The following OTOGL variants were observed in gnomAD, a reference collection of about 807,000 sequenced individuals.
OTOGL encodes the protein otogelin-like protein.
Under a neutral mutation model 318.5 loss-of-function variants are expected in OTOGL, and 285 were observed. The observed-to-expected ratio is 0.89, with a 90% CI of 0.81 to 0.99. The LOEUF (loss-of-function observed/expected upper bound fraction) is 0.99, where lower values mean the gene tolerates loss of function less well. OTOGL is among the 50% of genes least tolerant of loss of function. The pLI, the probability that OTOGL is intolerant of heterozygous loss-of-function variation, is 0.00. For missense variants in OTOGL, 2,899 were observed against 2,845.6 expected (o/e 1.02, Z -0.43); for synonymous variants, 987 against 936.5 (o/e 1.05, Z -0.99).
At position 80,353,778 on chromosome 12, in the gene OTOGL, T is replaced by TG. The variant is rs199797363; in HGVS notation, c.5593+270dup. 1.8e-3 allele frequency among the ~76,000 whole-genome samples: 269 copies of TG among 152,324 alleles called. 1 individual carries two copies. Among genetic ancestry groups the TG allele is most frequent in the Middle Eastern group, 6.8e-3 (2 of 294 alleles). The stretch of plus-strand genomic sequence containing the variant: ...AATCAAGAATTAAGAGTGTGGATTA[T>TG]GGACTGAACTCAAAATCAACTTAAT... On this transcript the variant is annotated intron_variant, in intron 46 of 58. Coordinates refer to ENST00000547103, the MANE Select transcript of OTOGL (RefSeq NM_001378609.3).
At chr12:80,243,564 C>G (rs1880566155) in intron 11 of OTOGL, among the ~76,000 whole-genome samples, 1 of 151,432 alleles carries the variant, frequency 6.6e-6, no homozygotes, top group Non-Finnish European at 1.5e-5. Context: ...AGAATTTCCT[C>G]CTCCTCTTGA....
chr12:80,376,259 A>C (rs1334359144), intron 57 of OTOGL, among the ~76,000 whole-genome samples: 1 of 152,112 alleles, frequency 6.6e-6, no homozygotes, highest in Non-Finnish European at 1.5e-5. Context: ...TCTATTTTAC[A>C]TGTTGAGATT....
intron 9 of OTOGL, among the ~76,000 whole-genome samples, chr12:80,233,350 C>G (rs1879549936): frequency 6.6e-6 from 1 of 152,188 alleles, no homozygotes. Flanking sequence ...AGAGCATTTG[C>G]TTTGGGTCAG....
intron 26 of OTOGL, 66 bp from the exon 27 acceptor site, chr12:80,296,761 T>G: frequency 8.5e-7 from 1 of 1,169,598 alleles, no homozygotes; most frequent in Non-Finnish European, 1.1e-6. Flanking sequence ...GATTTCTTAA[T>G]AAAAATAACT....
intron 1 of OTOGL, chr12:80,189,300 T>G (rs985874369): frequency 2.2e-6 from 1 of 445,094 alleles, no homozygotes; most frequent in African/African-American, 2.1e-5. Flanking sequence ...TTGAATAATC[T>G]TTTACTCAAC....
chr12:80,340,290 A>G (rs1396957010), intron 43 of OTOGL, among the ~76,000 whole-genome samples: 1 of 152,094 alleles, frequency 6.6e-6, no homozygotes, highest in Non-Finnish European at 1.5e-5. Context: ...CATTTTTGGA[A>G]ATTTTTGCTA....
At chr12:80,155,040 G>A (rs1260559192) in intron 1 of OTOGL, among the ~76,000 whole-genome samples, 1 of 152,156 alleles carries the variant, frequency 6.6e-6, no homozygotes. Context: ...GTAAGATGTG[G>A]AGCATTTTTT....
intron 1 of OTOGL, among the ~76,000 whole-genome samples, chr12:80,123,691 C>T (rs1041561324): frequency 1.3e-5 from 2 of 152,086 alleles, no homozygotes; most frequent in African/African-American, 2.4e-5. Context: ...ACATCCTCTC[C>T]AGCACCTGTT....
chr12:80,236,796 T>C (rs1879890910), intron 9 of OTOGL, among the ~76,000 whole-genome samples: 1 of 151,506 alleles, frequency 6.6e-6, no homozygotes, highest in African/African-American at 2.4e-5. Flanking sequence ...TTTTTGTTTT[T>C]CTTTTTTTCT....
intron 38 of OTOGL, 105 bp from the exon 39 acceptor site, chr12:80,335,858 T>C (rs995353905): frequency 2.5e-5 from 26 of 1,028,506 alleles, no homozygotes; most frequent in African/African-American, 3.3e-5. Flanking sequence ...AAAGTTTTTG[T>C]ATTCAATAAA....
chr12:80,355,909 A>G lies in OTOGL; in HGVS notation c.5767A>G (p.Ile1923Val). The part of the protein sequence containing the change: ...CEREAEVVMG[I>V]IDKWTCCSKE... Reference sequence around the variant, plus strand: ...ACGAGAAGCTGAAGTTGTCATGGGCATCATTGATAAATGGACCTGCTGTTC... The same window carrying G: ...ACGAGAAGCTGAAGTTGTCATGGGCGTCATTGATAAATGGACCTGCTGTTC... The change falls in exon 47 of 59, where the codon ATC becomes GTC. Residue 1923 changes from isoleucine (I) to valine (V), a missense_variant. Physicochemically the swap from Ile to Val is conservative, Grantham distance 29 (BLOSUM62 3). Around this residue, in one of 3 missense-constraint regions of OTOGL, gnomAD observed 2,607 missense variants for 2,524.9 expected, o/e 1.03. Transcript: ENST00000547103. 2 of 1,613,960 alleles carry G rather than the reference A, an allele frequency of 1.2e-6. No individual in the cohort carries two copies. Among genetic ancestry groups the G allele is most frequent in the Non-Finnish European group, 1.7e-6 (2 of 1,179,838 alleles).
At chr12:80,137,388 A>C (rs1159269475) in intron 1 of OTOGL, among the ~76,000 whole-genome samples, 1 of 152,150 alleles carries the variant, frequency 6.6e-6, no homozygotes, top group South Asian at 2.1e-4. Flanking sequence ...AGACATTGGT[A>C]TGGTGTTTCA....
At chr12:80,242,973 A>G (rs1485106151) in intron 11 of OTOGL, among the ~76,000 whole-genome samples, 2 of 152,134 alleles carry the variant, frequency 1.3e-5, no homozygotes, top group Non-Finnish European at 2.9e-5. Context: ...CCCAGCAGCA[A>G]GGAAATGATT....
At chr12:80,367,771 A>T in intron 54 of OTOGL, 32 bp downstream of exon 54, 1 of 1,297,934 alleles carries the variant, frequency 7.7e-7, no homozygotes, top group Non-Finnish European at 1.0e-6. Context: ...TTCTGGTGAG[A>T]GTTAATGCAT....
chr12:80,326,505 G>A (rs1887688305), intron 35 of OTOGL, among the ~76,000 whole-genome samples: 1 of 152,106 alleles, frequency 6.6e-6, no homozygotes, highest in African/African-American at 2.4e-5. Flanking sequence ...GTACAAGGAT[G>A]GCTGTGGTTT....
intron 42 of OTOGL, among the ~76,000 whole-genome samples, chr12:80,338,743 A>G (rs576713224): frequency 1.3e-5 from 2 of 152,106 alleles, no homozygotes; most frequent in African/African-American, 4.8e-5. Context: ...TAACATTATT[A>G]TCTTAAATTC....
intron 44 of OTOGL, among the ~76,000 whole-genome samples, chr12:80,350,601 C>T (rs1164744318): frequency 2.0e-5 from 3 of 152,144 alleles, no homozygotes; most frequent in African/African-American, 2.4e-5. Context: ...CCCATTCTAA[C>T]GAGTGGGAGG....
chr12:80,358,540 G>C, intron 50 of OTOGL, 131 bp from the exon 51 acceptor site: 4 of 839,928 alleles, frequency 4.8e-6, no homozygotes, highest in Non-Finnish European at 7.4e-6. Flanking sequence ...ATGGCAATCT[G>C]ACGGTGGGAG....
At chr12:80,104,873 T>A (rs891365626) in intron 1 of OTOGL, among the ~76,000 whole-genome samples, 2 of 152,128 alleles carry the variant, frequency 1.3e-5, no homozygotes, top group African/African-American at 2.4e-5. Flanking sequence ...GCCGGGCAGA[T>A]CACCTGAGTT....
Sources: allele counts gnomAD v4.1 joint callset (sites outside exome capture counted in the v4.1 genomes callset), GRCh38; gene constraint gnomAD v4.1.1; regional missense constraint gnomAD v4.1.1; transcripts MANE v1.5; gene names NCBI Gene and HGNC (gene_info 2026-07-23, HGNC 2026-07-21).